The following GPATCH1 variants were observed in gnomAD, a reference collection of about 807,000 sequenced individuals.
The protein encoded by GPATCH1 is G-patch domain containing 1.
GPATCH1 carries 73 observed loss-of-function variants against 114.9 expected under a neutral mutation model. The observed-to-expected ratio is 0.64, with a 90% CI of 0.53 to 0.77. The LOEUF is 0.77. Ranked by LOEUF, GPATCH1 falls within the 30% of genes least tolerant of loss-of-function variation. GPATCH1 has a pLI of 0.00. For synonymous variants in GPATCH1, 391 were observed against 428.4 expected, an observed-to-expected ratio of 0.91 and a Z score of 1.08; for missense variants, 1,058 against 1,144.3, an observed-to-expected ratio of 0.92 and a Z score of 1.09.
intron 2 of GPATCH1, among the ~76,000 whole-genome samples, chr19:33,090,290 A>C (rs1274519230): frequency 6.6e-6 from 1 of 152,132 alleles, no homozygotes; most frequent in Non-Finnish European, 1.5e-5. Context: ...GGTACTGTGA[A>C]TGTTGCCTGG....
rs779832597 is a variant in GPATCH1, at chr19:33,096,233, T to C, written c.639T>C (p.Asp213=). ...SEGEDDDYLP[D]NVTFAPKDVT... is the part of the protein sequence containing the mutation. ...GTGAAGATGATGACTACTTGCCTGA[T>C]AATGTGACCTTTGCACCCAAAGATG... The change falls in exon 7 of 20, where the codon GAT becomes GAC. Residue 213 remains aspartate, a synonymous_variant. Coordinates refer to ENST00000170564, the MANE Select transcript of GPATCH1 (RefSeq NM_018025.3). 3.7e-6 allele frequency: 6 copies of C among 1,613,864 alleles called. No homozygotes were observed. The highest frequency in any genetic ancestry group is 1.3e-5 in the African/African-American group (1 of 75,046).
At chr19:33,125,247 C>T (rs1401991098) in intron 18 of GPATCH1, 45 bp downstream of exon 18, 11 of 1,561,604 alleles carry the variant, frequency 7.0e-6, no homozygotes, top group Non-Finnish European at 8.7e-6. Context: ...GGGTGGGACC[C>T]GCTGGTCAGC....
chr19:33,087,117 G>A (rs529072754), intron 1 of GPATCH1, among the ~76,000 whole-genome samples: 1 of 152,280 alleles, frequency 6.6e-6, no homozygotes, highest in African/African-American at 2.4e-5. Flanking sequence ...GAGGCACAGA[G>A]AGTCAAGGCT....
At chr19:33,098,987 T>C (rs1013904872) in intron 8 of GPATCH1, among the ~76,000 whole-genome samples, 1 of 151,290 alleles carries the variant, frequency 6.6e-6, no homozygotes, top group Non-Finnish European at 1.5e-5. Context: ...CCCTATAGTT[T>C]CTGATTTCTG....
intron 16 of GPATCH1, among the ~76,000 whole-genome samples, 180 bp from the exon 17 acceptor site, chr19:33,118,830 C>T (rs1972944842): frequency 6.6e-6 from 1 of 152,202 alleles, no homozygotes. Context: ...TGACTTCCAG[C>T]TCTGGAGTTC....
chr19:33,117,016 G>A (rs896181545), intron 15 of GPATCH1, among the ~76,000 whole-genome samples: 25 of 151,976 alleles, frequency 1.6e-4, no homozygotes, highest in Admixed American at 9.2e-4. Flanking sequence ...GCAACATCGT[G>A]AGACCCCATC....
In GPATCH1 at chr19:33,106,705, C is replaced by T. The variant is rs1444300485; in HGVS notation, c.1091C>T (p.Pro364Leu). ...KPLSSKKIYP[P>L]PELPRDYRPV... ...TCTTGGTTTGTTAAGATCTATCCACCTCCAGAGCTGCCAAGAGACTATCGA... is the reference window on the plus strand; with the variant it reads ...TCTTGGTTTGTTAAGATCTATCCACTTCCAGAGCTGCCAAGAGACTATCGA... Residue 364 changes from proline to leucine, a missense_variant, in exon 10 of 20, where the codon CCT becomes CTT. Pro to Leu is a moderately conservative substitution (Grantham distance 98). Around this residue, in one of 3 missense-constraint regions of GPATCH1, gnomAD observed 893 missense variants for 977.4 expected, o/e 0.91. Transcript: ENST00000170564. The T allele has an allele frequency of 6.2e-7, 1 of 1,613,262 alleles. No homozygotes were observed. The highest frequency in any genetic ancestry group is 8.5e-7 in the Non-Finnish European group (1 of 1,179,562).
chr19:33,106,977 C>A, intron 10 of GPATCH1, 78 bp downstream of exon 10: 2 of 1,189,282 alleles, frequency 1.7e-6, no homozygotes, highest in Non-Finnish European at 2.4e-6. Flanking sequence ...TGTTGTTTTC[C>A]CACTGAAGTT....
intron 9 of GPATCH1, among the ~76,000 whole-genome samples, chr19:33,103,354 C>T (rs1438938418): frequency 2.6e-5 from 4 of 152,006 alleles, no homozygotes; most frequent in Non-Finnish European, 5.9e-5. Context: ...GCTATTATTA[C>T]CAGAAATGTC....
intron 2 of GPATCH1, 136 bp downstream of exon 2, chr19:33,088,404 G>C (rs947946376): frequency 3.2e-6 from 2 of 621,858 alleles, no homozygotes; most frequent in African/African-American, 2.0e-5. Flanking sequence ...GAGTGCTGTT[G>C]TGTGATCTTG....
intron 1 of GPATCH1, among the ~76,000 whole-genome samples, chr19:33,085,558 G>T (rs552058514): frequency 6.6e-6 from 1 of 152,090 alleles, no homozygotes; most frequent in African/African-American, 2.4e-5. Context: ...CCAGGGGCTC[G>T]TTGAAATTTT....
chr19:33,109,694 T>A, intron 10 of GPATCH1, 23 bp from the exon 11 acceptor site: 1 of 1,482,792 alleles, frequency 6.7e-7, no homozygotes, highest in East Asian at 2.3e-5. Context: ...TTTTCATCTC[T>A]TCTAATTACT....
At chr19:33,120,306 T>TAAAA (rs1491583577) in intron 17 of GPATCH1, among the ~76,000 whole-genome samples, 1,168 of 60,428 alleles carry the variant, frequency 0.019, 18 homozygotes, top group African/African-American at 0.17. Flanking sequence ...AAATTATATA[T>TAAAA]TTTATACATA....
chr19:33,126,157 T>C (rs1278897447), intron 18 of GPATCH1, among the ~76,000 whole-genome samples: 2 of 152,226 alleles, frequency 1.3e-5, no homozygotes, highest in Non-Finnish European at 2.9e-5. Flanking sequence ...CCAGTGTATC[T>C]GCTGTTCGGT....
chr19:33,088,538 C>T (rs1295031477), intron 2 of GPATCH1, among the ~76,000 whole-genome samples: 1 of 151,322 alleles, frequency 6.6e-6, no homozygotes, highest in African/African-American at 2.4e-5. Context: ...TTAGTAGAGA[C>T]AGGAGTTTCA....
At chr19:33,120,490 C>CCGAGAT (rs1972970269) in intron 17 of GPATCH1, among the ~76,000 whole-genome samples, 1 of 147,552 alleles carries the variant, frequency 6.8e-6, no homozygotes, top group African/African-American at 2.5e-5. Context: ...TTGCAGTGAG[C>CCGAGAT]CGAGATCGAG....
intron 17 of GPATCH1, among the ~76,000 whole-genome samples, chr19:33,123,895 C>T (rs1973012128): frequency 6.6e-6 from 1 of 150,568 alleles, no homozygotes; most frequent in South Asian, 2.1e-4. Flanking sequence ...CTTGCTCTGT[C>T]ACCCAGGCTG....
intron 3 of GPATCH1, among the ~76,000 whole-genome samples, chr19:33,091,717 A>T (rs1293574384): frequency 6.6e-6 from 1 of 152,134 alleles, no homozygotes; most frequent in Admixed American, 6.6e-5. Context: ...TGTGTAACAA[A>T]CCTGCACATC....
intron 17 of GPATCH1, among the ~76,000 whole-genome samples, chr19:33,123,142 G>A (rs2145339881): frequency 6.6e-6 from 1 of 151,856 alleles, no homozygotes; most frequent in Non-Finnish European, 1.5e-5. Context: ...GCTCACGCCT[G>A]TAATCCCAGC....
Sources: gnomAD v4.1 joint callset for allele counts (sites outside exome capture counted in the v4.1 genomes callset) on GRCh38, gnomAD v4.1.1 for gene constraint, gnomAD v4.1.1 regional missense constraint, MANE v1.5 for transcripts, NCBI Gene and HGNC (gene_info 2026-07-23, HGNC 2026-07-21) for gene names.